PCDHA6: variants seen among roughly 807,000 people sequenced by gnomAD.
PCDHA6 encodes the protein protocadherin alpha-6.
In PCDHA6, 55 loss-of-function variants were observed where a neutral mutation model predicts 60.3. That is an observed-to-expected ratio of 0.91 (90% CI 0.73 to 1.14). The LOEUF (loss-of-function observed/expected upper bound fraction) is 1.14. Among genes scored for constraint, PCDHA6 ranks in the 50% most tolerant of loss-of-function variants. PCDHA6 has a pLI of 0.00. For synonymous variants in PCDHA6, 652 were observed against 557.9 expected (o/e 1.17, Z -2.38); for missense variants, 1,327 against 1,256.5 (o/e 1.06, Z -0.85).
At chr5:140,927,316 C>A in intron 1 of PCDHA6, 1 of 1,614,198 alleles carries the variant, frequency 6.2e-7, no homozygotes, top group Non-Finnish European at 8.5e-7. Flanking sequence ...GCCCGGAGCC[C>A]GCTTTACTCT....
intron 1 of PCDHA6, among the ~76,000 whole-genome samples, chr5:140,839,578 T>TG (rs1264891718): frequency 1.3e-5 from 2 of 151,912 alleles, no homozygotes; most frequent in Non-Finnish European, 2.9e-5. Context: ...TTTGTAGAGA[T>TG]GGGGTCTTAC....
chr5:140,984,168 A>C (rs1181991691), intron 3 of PCDHA6, among the ~76,000 whole-genome samples: 1 of 152,204 alleles, frequency 6.6e-6, no homozygotes, highest in Non-Finnish European at 1.5e-5. Context: ...TTCCCAAAGA[A>C]GCCACGTGAA....
intron 1 of PCDHA6, chr5:140,884,152 T>A: frequency 6.2e-7 from 1 of 1,613,450 alleles, no homozygotes; most frequent in Non-Finnish European, 8.5e-7. Context: ...GGCTGTACAC[T>A]GGCGAGATCA....
chr5:140,974,945 A>G (rs2096646889), intron 1 of PCDHA6, among the ~76,000 whole-genome samples: 1 of 152,180 alleles, frequency 6.6e-6, no homozygotes, highest in African/African-American at 2.4e-5. Flanking sequence ...CCTATTTGTT[A>G]TCTCACAGTC....
chr5:140,846,727 C>T (rs2150394030), intron 1 of PCDHA6, among the ~76,000 whole-genome samples: 16 of 149,262 alleles, frequency 1.1e-4, no homozygotes, highest in Non-Finnish European at 1.2e-4. Context: ...CTTCATTAAA[C>T]ATTAAATAGG....
chr5:140,989,128 G>A (rs2097330831), intron 3 of PCDHA6: 1 of 152,178 alleles, frequency 6.6e-6, no homozygotes, highest in Non-Finnish European at 1.5e-5. Flanking sequence ...AGAAAAATAA[G>A]ACACTTTATC....
chr5:140,883,616 G>T (rs781929949), intron 1 of PCDHA6: 69 of 1,613,896 alleles, frequency 4.3e-5, no homozygotes, highest in Non-Finnish European at 5.7e-5. Flanking sequence ...CGACGTGAAC[G>T]ACAACGCGCC....
intron 1 of PCDHA6, among the ~76,000 whole-genome samples, chr5:140,897,105 C>T (rs981189512): frequency 3.3e-5 from 5 of 152,062 alleles, no homozygotes; most frequent in South Asian, 2.1e-4. Flanking sequence ...TAAAAATCTC[C>T]ACTTTCTGTC....
rs2098417470 is a variant in PCDHA6, at chr5:141,010,504, A to G, written c.*567A>G. On this transcript the variant is annotated 3_prime_UTR_variant, in exon 4 of 4. Coordinates refer to ENST00000529310, the MANE Select transcript of PCDHA6 (RefSeq NM_018909.4). ...AACTTAAAGGGACCAGACTTTCTAA[A>G]TCTTACAACTCAAGAGGTGGCAGCC... 3.6e-6 allele frequency: 2 copies of G among 549,616 alleles called. No homozygotes were observed. The allele number at this position is 549,616 out of a possible 1,614,324, so 34.0% of individuals were successfully genotyped here.
At chr5:140,856,485 T>C (rs1554148765) in intron 1 of PCDHA6, 1 of 1,598,290 alleles carries the variant, frequency 6.3e-7, no homozygotes, top group East Asian at 2.2e-5. Context: ...GAATCCAGAC[T>C]GCTTGACTCT....
chr5:140,875,409 A>C (rs2055459044), intron 1 of PCDHA6: 1 of 1,500,680 alleles, frequency 6.7e-7, no homozygotes, highest in African/African-American at 1.4e-5. Context: ...CTGCTCATAA[A>C]ATACCTCAGG....
At position 140,984,581 on chromosome 5, in the gene PCDHA6, C is replaced by T. The variant is rs141574202; in HGVS notation, c.2542+2018C>T. ...TCCAACTACTCCATGGCAACCTAAT[C>T]ATACTTTTCAATACATACCTCTGCA... On this transcript the variant is annotated intron_variant, in intron 3 of 3. Transcript: ENST00000529310. 4.4e-3 allele frequency among the ~76,000 whole-genome samples: 664 copies of T among 152,272 alleles called. 7 individuals carry two copies. The highest frequency in any genetic ancestry group is 0.013 in the African/African-American group (558 of 41,552).
intron 1 of PCDHA6, chr5:140,869,206 G>T (rs192388233): frequency 7.4e-6 from 12 of 1,613,854 alleles, no homozygotes; most frequent in African/African-American, 1.3e-5. Flanking sequence ...CCACTACTCC[G>T]TCTCGGAGGA....
chr5:140,937,492 C>T (rs1390017602), intron 1 of PCDHA6, among the ~76,000 whole-genome samples: 1 of 152,054 alleles, frequency 6.6e-6, no homozygotes, highest in African/African-American at 2.4e-5. Context: ...TGGCACATAC[C>T]CGTAATCCCA....
rs1165097192 is a variant in PCDHA6, at chr5:140,945,230, A to G, written c.2395-33719A>G. Among the ~76,000 whole-genome samples the G allele has an allele frequency of 2.6e-5, 4 of 152,290 alleles. No individual in the cohort carries two copies. In the East Asian group the frequency reaches 7.7e-4, roughly 29 times the overall value. On this transcript the variant is annotated intron_variant, in intron 1 of 3. Transcript: ENST00000529310. ...TATGAGAAAATAAAAATACTTAGGA[A>G]TAAATTTAACCAAGAGGATGAAAGA...
At chr5:141,009,312 A>G (rs1355833857) in intron 3 of PCDHA6, among the ~76,000 whole-genome samples, 1 of 152,160 alleles carries the variant, frequency 6.6e-6, no homozygotes, top group Non-Finnish European at 1.5e-5. Context: ...TTAAAAAGCT[A>G]GCCTGGCATG....
At chr5:141,002,014 C>T (rs1025365420) in intron 3 of PCDHA6, among the ~76,000 whole-genome samples, 1 of 152,220 alleles carries the variant, frequency 6.6e-6, no homozygotes, top group Non-Finnish European at 1.5e-5. Context: ...AGAATCTGCA[C>T]AGCCTTCGGT....
In PCDHA6 at chr5:140,858,669, A is replaced by G; in HGVS notation, c.2394+28184A>G. The G allele has an allele frequency of 4.4e-6, 3 of 676,742 alleles. 1 individual carries two copies. Among genetic ancestry groups the G allele is most frequent in the Non-Finnish European group, 7.2e-6 (3 of 415,418 alleles). 41.9% of individuals were successfully genotyped at this position (676,742 alleles called of 1,614,324 possible). On this transcript the variant is annotated intron_variant, in intron 1 of 3. Coordinates refer to ENST00000529310, the MANE Select transcript of PCDHA6 (RefSeq NM_018909.4). ...CTTAAATTTTTTTAAATAACAATTT[A>G]TTCTGAATACACTAATATTTTCCAA...
chr5:140,928,033 A>G, intron 1 of PCDHA6: 1 of 1,614,198 alleles, frequency 6.2e-7, no homozygotes, highest in Non-Finnish European at 8.5e-7. Context: ...TGGCATGTCT[A>G]GTGCAGGCCC....
Sources: gnomAD v4.1 joint callset for allele counts (sites outside exome capture counted in the v4.1 genomes callset) on GRCh38, gnomAD v4.1.1 for gene constraint, MANE v1.5 for transcripts, NCBI Gene and HGNC (gene_info 2026-07-23, HGNC 2026-07-21) for gene names.